Variants in NSD2 observed in about 807,000 individuals in gnomAD.
NSD2 encodes the protein nuclear receptor binding SET domain protein 2.
NSD2 carries 12 observed loss-of-function variants against 139.0 expected under a neutral mutation model. That is an observed-to-expected ratio of 0.09 (90% confidence interval 0.06 to 0.14). The LOEUF (loss-of-function observed/expected upper bound fraction) is 0.14, where lower values mean the gene tolerates loss of function less well. NSD2 is among the 10% of genes least tolerant of loss of function. The pLI, the probability that NSD2 is intolerant of heterozygous loss-of-function variation, is 1.00. For synonymous variants in NSD2, 669 were observed against 648.7 expected, an observed-to-expected ratio of 1.03 and a Z score of -0.48; for missense variants, 1,155 against 1,745.0, an observed-to-expected ratio of 0.66 and a Z score of 6.02.
At chr4:1,895,119 T>A (rs1241247722) in intron 1 of NSD2, among the ~76,000 whole-genome samples, 1 of 152,248 alleles carries the variant, frequency 6.6e-6, no homozygotes, top group Non-Finnish European at 1.5e-5. Context: ...AGCATTTCCT[T>A]CCTTTTAAAG....
rs1577399016 is a variant in NSD2, at chr4:1,904,320, T to G, written c.702T>G (p.Pro234=). The G allele has an allele frequency of 1.2e-6, 2 of 1,614,198 alleles. No homozygotes were observed. Among genetic ancestry groups the G allele is most frequent in the African/African-American group, 1.3e-5 (1 of 75,072 alleles). Residue 234 remains proline, a synonymous_variant, in exon 3 of 22, where the codon CCT becomes CCG. Coordinates refer to ENST00000508803, the MANE Select transcript of NSD2 (RefSeq NM_001042424.3). ...TGTGGTCCAAAGTGTCGGGTTACCC[T>G]TGGTGGCCTTGCATGGTTTCTGCAG... ...DLVWSKVSGY[P]WWPCMVSADP... is the part of the protein sequence containing the mutation.
chr4:1,978,492 A>G (rs1727366186), intron 21 of NSD2, 146 bp from the exon 22 acceptor site: 2 of 1,178,290 alleles, frequency 1.7e-6, no homozygotes, highest in Middle Eastern at 2.8e-4. Context: ...GCTGTGGTAG[A>G]CAGTTTGTCT....
chr4:1,904,641 T>A (rs1036340511), intron 3 of NSD2, among the ~76,000 whole-genome samples: 3 of 152,242 alleles, frequency 2.0e-5, no homozygotes, highest in Non-Finnish European at 4.4e-5. Context: ...GATAGTTTAT[T>A]ATTTAGTTAC....
rs1727068258 is a variant in NSD2 at position 1,976,243 on chromosome 4, G to A, written c.3622-232G>A. 2 of 551,492 alleles carry A rather than the reference G, an allele frequency of 3.6e-6. No individual in the cohort carries two copies. The highest frequency in any genetic ancestry group is 3.8e-5 in the African/African-American group (2 of 52,978). 34.2% of individuals were successfully genotyped at this position (551,492 alleles called of 1,614,324 possible). A position where few individuals can be genotyped will look rare whatever the true frequency, so the allele number is the denominator to read the frequency against. On this transcript the variant is annotated intron_variant, in intron 20 of 21. Transcript: ENST00000508803. This position sits in a 1 kb window ranked among gnomAD's most constrained non-coding sequence, Gnocchi z 5.3. ...GATGCTGCTGAGATGCGTCATTGCA[G>A]GCTTCCGACAAAGCTCACTCTAGTC...
chr4:1,949,274 T>TA (rs1228890305), intron 9 of NSD2, among the ~76,000 whole-genome samples: 1 of 152,236 alleles, frequency 6.6e-6, no homozygotes, highest in East Asian at 1.9e-4. Flanking sequence ...GACAGAGCCT[T>TA]AAAGTGTGCA....
intron 5 of NSD2, among the ~76,000 whole-genome samples, 159 bp from the exon 6 acceptor site, chr4:1,930,467 T>A (rs1177721534): frequency 6.6e-6 from 1 of 152,232 alleles, no homozygotes; most frequent in Non-Finnish European, 1.5e-5. Flanking sequence ...AGTTAAGCAC[T>A]ACTTTTCTTT....
At position 1,958,118 on chromosome 4, in the gene NSD2, A is replaced by G. The variant is rs900451544; in HGVS notation, c.2985+82A>G. 2 of 1,387,280 alleles carry G rather than the reference A, an allele frequency of 1.4e-6. No individual in the cohort carries two copies. Among genetic ancestry groups the G allele is most frequent in the African/African-American group, 1.4e-5 (1 of 69,998 alleles). The allele number at this position is 1,387,280 out of a possible 1,614,324, so 85.9% of individuals were successfully genotyped here. On this transcript the variant is annotated intron_variant, in intron 16 of 21. Coordinates refer to ENST00000508803, the MANE Select transcript of NSD2 (RefSeq NM_001042424.3). This position sits in a 1 kb window ranked among gnomAD's most constrained non-coding sequence, Gnocchi z 4.6. The stretch of plus-strand genomic sequence containing the variant: ...AGAGGTTCTTAGGCACACCCAGGCT[A>G]TGGCTGGGGAGAGGACTGTCACCAG...
chr4:1,908,353 C>T (rs1479185298), intron 3 of NSD2, among the ~76,000 whole-genome samples: 1 of 152,234 alleles, frequency 6.6e-6, no homozygotes, highest in Non-Finnish European at 1.5e-5. Context: ...AGTGGCCTGC[C>T]TCACCTCAGC....
intron 1 of NSD2, among the ~76,000 whole-genome samples, chr4:1,877,149 A>AG (rs1241429135): frequency 1.6e-4 from 24 of 152,252 alleles, no homozygotes; most frequent in African/African-American, 5.3e-4. Context: ...GGAAAAAAAA[A>AG]AAATTGTTAT....
Position 1,942,041 on chromosome 4 carries a change from C to A in NSD2, c.1881+2263C>A. 8.6e-7 allele frequency: 1 copy of A among 1,158,616 alleles called. No homozygotes were observed. The highest frequency in any genetic ancestry group is 1.1e-6 in the Non-Finnish European group (1 of 935,144). The allele number at this position is 1,158,616 out of a possible 1,614,324, so 71.8% of individuals were successfully genotyped here. On this transcript the variant is annotated intron_variant, in intron 9 of 21. Coordinates refer to ENST00000508803, the MANE Select transcript of NSD2 (RefSeq NM_001042424.3). This position sits in a 1 kb window ranked among gnomAD's most constrained non-coding sequence, Gnocchi z 4.0. ...CCCCCTTTGCATGTTTGTATTTCCT[C>A]CCTTTCATCACATTTGTTTGAAATA...
rs147326811 is a variant in NSD2 at position 1,887,209 on chromosome 4, A to G, written c.-29-13417A>G. On this transcript the variant is annotated intron_variant, in intron 1 of 21. Coordinates refer to ENST00000508803, the MANE Select transcript of NSD2 (RefSeq NM_001042424.3). ...CATTCTTCCCAGTGTGGTCTATCCT[A>G]TGAGGCTGCTTGGGCTTCCTTGCAG... Among the ~76,000 whole-genome samples the G allele has an allele frequency of 6.7e-3, 1,014 of 152,212 alleles. 12 individuals are homozygous for G. The highest frequency in any genetic ancestry group is 0.023 in the African/African-American group (963 of 41,546).
chr4:1,931,099 C>G (rs754995102), intron 6 of NSD2, among the ~76,000 whole-genome samples: 1 of 152,140 alleles, frequency 6.6e-6, no homozygotes, highest in South Asian at 2.1e-4. Flanking sequence ...GGAAGGTCGT[C>G]TCTTGGATTC....
At chr4:1,925,228 C>T (rs1326305433) in intron 5 of NSD2, among the ~76,000 whole-genome samples, 3 of 152,036 alleles carry the variant, frequency 2.0e-5, no homozygotes, top group Non-Finnish European at 2.9e-5. Context: ...TTTTTGTTGG[C>T]TTGTCAGTTA....
At position 1,883,374 on chromosome 4, in the gene NSD2, G is replaced by A. The variant is rs184377066; in HGVS notation, c.-30+11832G>A. Among the ~76,000 whole-genome samples the A allele has an allele frequency of 2.6e-4, 40 of 151,970 alleles. 1 individual carries two copies. Among genetic ancestry groups the A allele is most frequent in the Admixed American group, 2.6e-3 (40 of 15,248 alleles). ...GGGCTGGGCGCAGTGGCTCAGGCCTGTAATCCCAGCACTTTGGGAGGCTGA... is the reference window on the plus strand; with the variant it reads ...GGGCTGGGCGCAGTGGCTCAGGCCTATAATCCCAGCACTTTGGGAGGCTGA... On this transcript the variant is annotated intron_variant, in intron 1 of 21. Coordinates refer to ENST00000508803, the MANE Select transcript of NSD2 (RefSeq NM_001042424.3).
At chr4:1,945,717 G>T in intron 9 of NSD2, 1 of 1,063,612 alleles carries the variant, frequency 9.4e-7, no homozygotes, top group Non-Finnish European at 1.1e-6. Flanking sequence ...GAGTTGAAAG[G>T]GTTGCCTTGG....
intron 1 of NSD2, among the ~76,000 whole-genome samples, chr4:1,873,970 T>C (rs962788739): frequency 6.6e-6 from 1 of 152,140 alleles, no homozygotes; most frequent in Non-Finnish European, 1.5e-5. Flanking sequence ...CTCAAGTGAT[T>C]CTCCCGCCTC....
At chr4:1,935,329 T>A (rs934939634) in intron 7 of NSD2, 67 bp downstream of exon 7, 1 of 1,266,164 alleles carries the variant, frequency 7.9e-7, no homozygotes, top group East Asian at 2.4e-5. Context: ...TGCCACTGTT[T>A]CCCTGCATGG....
intron 9 of NSD2, chr4:1,944,285 G>C: frequency 9.4e-7 from 1 of 1,066,180 alleles, no homozygotes. Context: ...GGTGGAAACG[G>C]CTCTTGTTTG....
chr4:1,959,272 T>C (rs1725135778), intron 16 of NSD2, among the ~76,000 whole-genome samples, 199 bp from the exon 17 acceptor site: 1 of 152,176 alleles, frequency 6.6e-6, no homozygotes, highest in South Asian at 2.1e-4. Context: ...TTGCCCTGCC[T>C]GCCTCTTGTG....
Sources: allele counts gnomAD v4.1 joint callset (sites outside exome capture counted in the v4.1 genomes callset), GRCh38; gene constraint gnomAD v4.1.1; non-coding constraint Gnocchi (gnomAD v3.1); transcripts MANE v1.5; gene names NCBI Gene and HGNC (gene_info 2026-07-23, HGNC 2026-07-21).